Variants in TMPRSS2 observed in about 807,000 individuals in gnomAD.
TMPRSS2 encodes transmembrane serine protease 2.
A neutral mutation model predicts 67.4 loss-of-function variants in TMPRSS2; 59 were observed. The observed-to-expected ratio is 0.88, with a 90% CI of 0.71 to 1.09. The LOEUF (loss-of-function observed/expected upper bound fraction) is 1.09. TMPRSS2 is among the 50% of genes least tolerant of loss of function. The pLI, the probability that TMPRSS2 is intolerant of heterozygous loss-of-function variation, is 0.00. For missense variants in TMPRSS2, 668 were observed against 642.7 expected, an observed-to-expected ratio of 1.04 and a Z score of -0.43; for synonymous variants, 257 against 257.0, an observed-to-expected ratio of 1.00 and a Z score of 0.00.
At chr21:41,506,919 A>T (rs1370536516) in intron 1 of TMPRSS2, among the ~76,000 whole-genome samples, 1 of 152,162 alleles carries the variant, frequency 6.6e-6, no homozygotes, top group Non-Finnish European at 1.5e-5. Context: ...ACAGGTTCGC[A>T]CGGAGGGAAG....
At position 41,494,437 on chromosome 21, in the gene TMPRSS2, C is replaced by T. The variant is rs753509316; in HGVS notation, c.157G>A (p.Ala53Thr). Residue 53 changes from alanine (A) to threonine (T), a missense_variant, in exon 3 of 14, where the codon GCC (alanine) becomes ACC (threonine). Physicochemically the swap from Ala to Thr is moderately conservative, Grantham distance 58. Coordinates refer to ENST00000332149, the MANE Select transcript of TMPRSS2 (RefSeq NM_005656.4). Reference sequence around the variant, plus strand: ...GAAGCCTGCGTCAGGACCCTCGGGGCGTACTGGGGCACGGGGGACGGGTAG... The same window carrying T: ...GAAGCCTGCGTCAGGACCCTCGGGGTGTACTGGGGCACGGGGGACGGGTAG... ...QYYPSPVPQYAPRVLTQASNP... is the reference protein window; with the variant it reads ...QYYPSPVPQYTPRVLTQASNP... The T allele has an allele frequency of 8.7e-6, 14 of 1,612,974 alleles. No individual in the cohort carries two copies. Among genetic ancestry groups the T allele is most frequent in the South Asian group, 6.6e-5 (6 of 90,916 alleles).
At chr21:41,466,558 T>A (rs1425079293) in intron 13 of TMPRSS2, among the ~76,000 whole-genome samples, 1 of 152,182 alleles carries the variant, frequency 6.6e-6, no homozygotes, top group Non-Finnish European at 1.5e-5. Context: ...CCCTGCCAGC[T>A]TCCCTCCTGC....
intron 1 of TMPRSS2, chr21:41,502,275 T>G (rs1013875119): frequency 3.2e-6 from 2 of 631,904 alleles, no homozygotes; most frequent in Non-Finnish European, 3.9e-6. Context: ...GAGACTTACT[T>G]TCCAAACAAC....
chr21:41,494,103 A>G (rs2091358867), intron 3 of TMPRSS2, among the ~76,000 whole-genome samples: 1 of 152,252 alleles, frequency 6.6e-6, no homozygotes, highest in Non-Finnish European at 1.5e-5. Context: ...GAACAGGCAA[A>G]GCTGTACAGG....
chr21:41,467,929 C>A, intron 12 of TMPRSS2, 43 bp from the exon 13 acceptor site: 3 of 1,611,562 alleles, frequency 1.9e-6, no homozygotes, highest in Non-Finnish European at 2.5e-6. Flanking sequence ...AATCAAGTCA[C>A]AATCTGCCGC....
chr21:41,499,207 A>G (rs1260457884), intron 1 of TMPRSS2, among the ~76,000 whole-genome samples: 1 of 152,256 alleles, frequency 6.6e-6, no homozygotes, highest in African/African-American at 2.4e-5. Context: ...TGCTAAGATT[A>G]GCAGTAATGA....
intron 5 of TMPRSS2, chr21:41,486,970 A>C (rs2091303065): frequency 6.6e-6 from 1 of 152,168 alleles, no homozygotes; most frequent in Non-Finnish European, 1.5e-5. Context: ...ATTATGGAAA[A>C]CAGTATGGAG....
At chr21:41,505,882 G>GCACTGAC (rs953295896) in intron 1 of TMPRSS2, among the ~76,000 whole-genome samples, 6 of 152,218 alleles carry the variant, frequency 3.9e-5, no homozygotes, top group African/African-American at 1.2e-4. Context: ...GACACTGGAA[G>GCACTGAC]CACTGACCTA....
rs769498176 is a variant in TMPRSS2, at chr21:41,494,689, A to G, written c.16-111T>C. The stretch of plus-strand genomic sequence containing the variant: ...TATACCAATGATCTTTTAAATTGAT[A>G]ATGTTTTTATTTTATTTTGTGAAAT... On this transcript the variant is annotated intron_variant, in intron 2 of 13. Coordinates refer to ENST00000332149, the MANE Select transcript of TMPRSS2 (RefSeq NM_005656.4). 7.8e-6 allele frequency: 8 copies of G among 1,031,274 alleles called. No homozygotes were observed. In the African/African-American group the frequency reaches 9.5e-5, roughly 12 times the overall value. 63.9% of individuals were successfully genotyped at this position (1,031,274 alleles called of 1,614,324 possible). A position where few individuals can be genotyped will look rare whatever the true frequency, so the allele number is the denominator to read the frequency against.
chr21:41,473,598 G>T, intron 8 of TMPRSS2, 102 bp from the exon 9 acceptor site: 1 of 1,308,908 alleles, frequency 7.6e-7, no homozygotes, highest in Non-Finnish European at 1.1e-6. Flanking sequence ...GCAAGGACAG[G>T]GCAGGGGCAC....
chr21:41,488,967 A>C (rs939923086), intron 4 of TMPRSS2, among the ~76,000 whole-genome samples: 1 of 152,314 alleles, frequency 6.6e-6, no homozygotes, highest in Admixed American at 6.5e-5. Context: ...AAGGAGGAGA[A>C]GTGTCCTTGC....
In TMPRSS2 at chr21:41,471,258, G is replaced by A. The variant is rs891695499; in HGVS notation, c.1076-515C>T. 4.3e-4 allele frequency among the ~76,000 whole-genome samples: 65 copies of A among 152,262 alleles called. 1 individual carries two copies. Among genetic ancestry groups the A allele is most frequent in the African/African-American group, 1.5e-3 (64 of 41,472 alleles). On this transcript the variant is annotated intron_variant, in intron 10 of 13. Transcript: ENST00000332149. ...GATGGACCAGAGTGGGACCGAATAAGAGGCTAAGAGAAAGCATGTTTGTCC... is the reference window on the plus strand; with the variant it reads ...GATGGACCAGAGTGGGACCGAATAAAAGGCTAAGAGAAAGCATGTTTGTCC...
At chr21:41,502,643 A>C in intron 1 of TMPRSS2, 1 of 959,842 alleles carries the variant, frequency 1.0e-6, no homozygotes, top group Non-Finnish European at 1.2e-6. Flanking sequence ...AGAATGCATG[A>C]CTAAATGAGT....
intron 5 of TMPRSS2, among the ~76,000 whole-genome samples, chr21:41,482,948 T>C (rs757398455): frequency 6.6e-6 from 1 of 151,330 alleles, no homozygotes; most frequent in Non-Finnish European, 1.5e-5. Context: ...CTGGGGTGAG[T>C]GGGGAGAGAG....
intron 8 of TMPRSS2, among the ~76,000 whole-genome samples, chr21:41,475,697 G>GAA (rs2091206250): frequency 9.0e-6 from 1 of 111,716 alleles, no homozygotes; most frequent in Admixed American, 8.9e-5. Context: ...GCGAGGGGGT[G>GAA]GGTGGTGAAT....
At chr21:41,489,911 G>C (rs530193039) in intron 3 of TMPRSS2, among the ~76,000 whole-genome samples, 1 of 152,226 alleles carries the variant, frequency 6.6e-6, no homozygotes, top group East Asian at 1.9e-4. Flanking sequence ...ACTTTGAGAG[G>C]CTGAGGTGGG....
intron 5 of TMPRSS2, among the ~76,000 whole-genome samples, chr21:41,481,016 T>C (rs1393070651): frequency 6.6e-6 from 1 of 152,182 alleles, no homozygotes; most frequent in African/African-American, 2.4e-5. Context: ...CACAGTTCAC[T>C]CTTCTCAAGG....
At chr21:41,497,710 C>A (rs184859933) in intron 2 of TMPRSS2, among the ~76,000 whole-genome samples, 1 of 152,180 alleles carries the variant, frequency 6.6e-6, no homozygotes, top group Non-Finnish European at 1.5e-5. Flanking sequence ...AGGGAAGGCC[C>A]GCCCATGCCT....
At chr21:41,500,912 T>C (rs929339067) in intron 1 of TMPRSS2, among the ~76,000 whole-genome samples, 10 of 152,204 alleles carry the variant, frequency 6.6e-5, no homozygotes, top group African/African-American at 1.4e-4. Flanking sequence ...CATCCTAAGA[T>C]TGCTTTCAAA....
Sources: gnomAD v4.1 joint callset for allele counts (sites outside exome capture counted in the v4.1 genomes callset) on GRCh38, gnomAD v4.1.1 for gene constraint, MANE v1.5 for transcripts, NCBI Gene and HGNC (gene_info 2026-07-23, HGNC 2026-07-21) for gene names.